Variants in SLC35F4 observed in about 807,000 individuals in gnomAD.
SLC35F4 encodes the protein chromosome 14 open reading frame 36.
In SLC35F4, 24 loss-of-function variants were observed where a neutral mutation model predicts 44.2. That is an observed-to-expected ratio of 0.54 (90% confidence interval 0.39 to 0.76). The LOEUF (loss-of-function observed/expected upper bound fraction) is 0.76, where lower values mean the gene tolerates loss of function less well. Among genes scored for constraint, SLC35F4 ranks in the 30% least tolerant of loss-of-function variants. The probability of loss-of-function intolerance (pLI) is 0.00; values close to 1 mark genes in which losing one functional copy is unlikely to be tolerated. For synonymous variants in SLC35F4, 238 were observed against 223.6 expected, an observed-to-expected ratio of 1.06 and a Z score of -0.57; for missense variants, 562 against 586.1, an observed-to-expected ratio of 0.96 and a Z score of 0.42.
chr14:57,574,601 A>C (rs2068684585), intron 4 of SLC35F4, among the ~76,000 whole-genome samples: 1 of 152,218 alleles, frequency 6.6e-6, no homozygotes, highest in Non-Finnish European at 1.5e-5. Context: ...ATTTTAGTTT[A>C]AATTTCAAAA....
intron 4 of SLC35F4, chr14:57,579,114 C>CA (rs889961532): frequency 6.6e-6 from 1 of 152,182 alleles, no homozygotes; most frequent in African/African-American, 2.4e-5. Flanking sequence ...GTGAGTCTTT[C>CA]ATAAGGACAC....
At chr14:57,574,576 T>C (rs1466764054) in intron 4 of SLC35F4, among the ~76,000 whole-genome samples, 3 of 152,190 alleles carry the variant, frequency 2.0e-5, no homozygotes, top group Admixed American at 6.5e-5. Flanking sequence ...TGGGAATAGA[T>C]AAATTATTTG....
At chr14:57,958,644 TTA>T (rs1270911869) in intron 1 of SLC35F4, among the ~76,000 whole-genome samples, 1 of 152,188 alleles carries the variant, frequency 6.6e-6, no homozygotes, top group Non-Finnish European at 1.5e-5. Context: ...AGGGTGAGTG[TTA>T]TGATATGTGA....
chr14:57,934,142 A>G (rs1889752758), intron 1 of SLC35F4, among the ~76,000 whole-genome samples: 1 of 151,974 alleles, frequency 6.6e-6, no homozygotes, highest in South Asian at 2.1e-4. Flanking sequence ...TACTTCTTTT[A>G]TAATACCCAA....
At chr14:57,793,872 C>A (rs970421752) in intron 1 of SLC35F4, among the ~76,000 whole-genome samples, 48 of 152,030 alleles carry the variant, frequency 3.2e-4, no homozygotes, top group African/African-American at 1.1e-3. Context: ...TCACATAGAC[C>A]AATAGAACAG....
intron 1 of SLC35F4, among the ~76,000 whole-genome samples, chr14:57,692,846 T>G (rs973561748): frequency 6.6e-6 from 1 of 152,106 alleles, no homozygotes; most frequent in African/African-American, 2.4e-5. Flanking sequence ...TTCCATATTA[T>G]TTGTGTGCAA....
chr14:57,926,426 C>G (rs757872809), intron 1 of SLC35F4, among the ~76,000 whole-genome samples: 4 of 152,132 alleles, frequency 2.6e-5, no homozygotes, highest in Non-Finnish European at 5.9e-5. Context: ...GTCACGCAAA[C>G]ACATTCACAC....
Position 57,847,486 on chromosome 14 carries a change from T to C in SLC35F4, c.103+18237A>G, listed in dbSNP as rs1345948207. On this transcript the variant is annotated intron_variant, in intron 1 of 7. Coordinates refer to ENST00000556826, the MANE Select transcript of SLC35F4 (RefSeq NM_001306087.2). ...CTTTATCTTCTGTTACTTTGAAAAT[T>C]TGAAAAATATTTTCTTCAGATTAAG... Among the ~76,000 whole-genome samples, 8 of 152,312 alleles carry C rather than the reference T, an allele frequency of 5.3e-5. No homozygotes were observed. In the East Asian group the frequency reaches 1.3e-3, roughly 26 times the overall value.
At chr14:57,978,660 A>G (rs1594667557) in intron 1 of SLC35F4, among the ~76,000 whole-genome samples, 1 of 152,222 alleles carries the variant, frequency 6.6e-6, no homozygotes, top group East Asian at 1.9e-4. Context: ...CTAGAATACA[A>G]AGGTAAACAA....
chr14:57,935,251 C>T (rs1254389771), intron 1 of SLC35F4, among the ~76,000 whole-genome samples: 1 of 152,106 alleles, frequency 6.6e-6, no homozygotes, highest in Non-Finnish European at 1.5e-5. Context: ...CAGCTAAATC[C>T]CAAGTCTATA....
At chr14:57,884,424 G>A (rs1404016203) in intron 1 of SLC35F4, among the ~76,000 whole-genome samples, 1 of 152,148 alleles carries the variant, frequency 6.6e-6, no homozygotes, top group East Asian at 1.9e-4. Context: ...GTGTAATTTG[G>A]TTAAAATATT....
At chr14:57,706,251 A>T (rs947283775) in intron 1 of SLC35F4, among the ~76,000 whole-genome samples, 2 of 152,200 alleles carry the variant, frequency 1.3e-5, no homozygotes, top group Non-Finnish European at 2.9e-5. Context: ...TTTGTCAAAA[A>T]ATGACATCAT....
At chr14:57,698,746 T>C (rs1027374376) in intron 1 of SLC35F4, among the ~76,000 whole-genome samples, 17 of 151,988 alleles carry the variant, frequency 1.1e-4, no homozygotes, top group African/African-American at 4.1e-4. Flanking sequence ...CAAGTGATTC[T>C]CCTGCCTCAG....
rs373288379 is a variant in SLC35F4 at position 57,849,367 on chromosome 14, G to A, written c.103+16356C>T. ...AGTAGAGATGGGGTTTCGCCATGTTGGCCAGGCTGGTCTCGTACTCTCGAC... is the reference window on the plus strand; with the variant it reads ...AGTAGAGATGGGGTTTCGCCATGTTAGCCAGGCTGGTCTCGTACTCTCGAC... On this transcript the variant is annotated intron_variant, in intron 1 of 7. Coordinates refer to ENST00000556826, the MANE Select transcript of SLC35F4 (RefSeq NM_001306087.2). Among the ~76,000 whole-genome samples the A allele has an allele frequency of 1.2e-3, 189 of 152,212 alleles. 1 individual carries two copies. The highest frequency in any genetic ancestry group is 4.5e-3 in the African/African-American group (188 of 41,548).
At chr14:57,879,107 T>A (rs1888464586) in intron 1 of SLC35F4, among the ~76,000 whole-genome samples, 1 of 152,284 alleles carries the variant, frequency 6.6e-6, no homozygotes, top group Non-Finnish European at 1.5e-5. Flanking sequence ...CAATATTTTA[T>A]GCCCTTAGAA....
chr14:57,803,394 C>G (rs1486612394), intron 1 of SLC35F4, among the ~76,000 whole-genome samples: 2 of 152,090 alleles, frequency 1.3e-5, no homozygotes, highest in African/African-American at 4.8e-5. Context: ...AAAACTGGCA[C>G]AAGACAAGGA....
At chr14:57,743,847 A>G (rs1488383368) in intron 1 of SLC35F4, among the ~76,000 whole-genome samples, 1 of 152,206 alleles carries the variant, frequency 6.6e-6, no homozygotes, top group African/African-American at 2.4e-5. Flanking sequence ...GGCAAACCGA[A>G]TCCAGCAGCA....
intron 1 of SLC35F4, among the ~76,000 whole-genome samples, chr14:57,660,993 C>T (rs1594737279): frequency 6.6e-6 from 1 of 152,318 alleles, no homozygotes; most frequent in East Asian, 1.9e-4. Flanking sequence ...TGGCTGATGA[C>T]ACTTGCCTGT....
intron 2 of SLC35F4, among the ~76,000 whole-genome samples, chr14:57,593,016 G>A (rs956613021): frequency 1.3e-5 from 2 of 152,138 alleles, no homozygotes; most frequent in African/African-American, 4.8e-5. Flanking sequence ...GGGCTATCAT[G>A]GACACAGGTA....
Sources: allele counts gnomAD v4.1 joint callset (sites outside exome capture counted in the v4.1 genomes callset), GRCh38; gene constraint gnomAD v4.1.1; transcripts MANE v1.5; gene names NCBI Gene and HGNC (gene_info 2026-07-23, HGNC 2026-07-21).